The following ERGIC1 variants were observed in gnomAD, a reference collection of about 807,000 sequenced individuals.
ERGIC1 encodes the protein endoplasmic reticulum-Golgi intermediate compartment protein 1.
Under a neutral mutation model 38.3 loss-of-function variants are expected in ERGIC1, and 19 were observed. The observed-to-expected ratio is 0.50, with a 90% confidence interval of 0.35 to 0.73. The LOEUF is 0.73. ERGIC1 is among the 30% of genes least tolerant of loss of function. ERGIC1 has a pLI of 0.01. For missense variants in ERGIC1, 294 were observed against 389.2 expected (o/e 0.76, Z 2.06); for synonymous variants, 124 against 157.6 (o/e 0.79, Z 1.60).
At chr5:172,875,234 G>A (rs762211595) in intron 1 of ERGIC1, among the ~76,000 whole-genome samples, 12 of 152,044 alleles carry the variant, frequency 7.9e-5, no homozygotes, top group Non-Finnish European at 1.8e-4. Flanking sequence ...TTTTTCTCAT[G>A]TAACAAGAAG....
At chr5:172,865,051 CTTTTT>C (rs55657045) in intron 1 of ERGIC1, among the ~76,000 whole-genome samples, 169 of 93,844 alleles carry the variant, frequency 1.8e-3, no homozygotes, top group African/African-American at 3.0e-3. Context: ...GAAAGAAATT[CTTTTT>C]TTTTTTTTTT....
intron 3 of ERGIC1, among the ~76,000 whole-genome samples, chr5:172,900,991 C>G (rs1762862625): frequency 6.6e-6 from 1 of 152,188 alleles, no homozygotes; most frequent in Non-Finnish European, 1.5e-5. Flanking sequence ...TTGGGGTCTT[C>G]CAGTTGTCAG....
intron 1 of ERGIC1, among the ~76,000 whole-genome samples, chr5:172,882,105 G>C (rs1246298188): frequency 6.6e-6 from 1 of 152,186 alleles, no homozygotes; most frequent in Non-Finnish European, 1.5e-5. Flanking sequence ...TCTGAAACTA[G>C]GGTCTTTTTG....
Position 172,834,299 on chromosome 5 carries a change from A to AGGGGGGCGGCCGGCGGGG in ERGIC1, c.-113_-96dup, listed in dbSNP as rs1760972655. 1 of 983,788 alleles carries AGGGGGGCGGCCGGCGGGG rather than the reference A, an allele frequency of 1.0e-6. No homozygotes were observed. The highest frequency in any genetic ancestry group is 4.8e-5 in the South Asian group (1 of 20,862). 60.9% of individuals were successfully genotyped at this position (983,788 alleles called of 1,614,324 possible). A position where few individuals can be genotyped will look rare whatever the true frequency, so the allele number is the denominator to read the frequency against. The stretch of plus-strand genomic sequence containing the variant: ...TGGCGAGTGGCGAGTGGCGAGTGTC[A>AGGGGGGCGGCCGGCGGGG]GGGGGGCGGCCGGCGGGGGCGGGGC... On this transcript the variant is annotated 5_prime_UTR_variant, in exon 1 of 10. Coordinates refer to ENST00000393784, the MANE Select transcript of ERGIC1 (RefSeq NM_001031711.3). The surrounding 1 kb of genome is among the most constrained non-coding windows in gnomAD (Gnocchi z 4.1).
At chr5:172,903,226 C>T (rs1762930094) in intron 3 of ERGIC1, among the ~76,000 whole-genome samples, 1 of 152,198 alleles carries the variant, frequency 6.6e-6, no homozygotes, top group Admixed American at 6.5e-5. Flanking sequence ...GCTCAGGGAG[C>T]CCTCGTCCTG....
At chr5:172,928,376 G>A (rs936023174) in intron 7 of ERGIC1, among the ~76,000 whole-genome samples, 18 of 152,202 alleles carry the variant, frequency 1.2e-4, no homozygotes, top group Admixed American at 2.6e-4. Flanking sequence ...GCACTGGGCC[G>A]TTGCCTTTGT....
At chr5:172,856,490 C>T (rs1156938614) in intron 1 of ERGIC1, among the ~76,000 whole-genome samples, 2 of 152,122 alleles carry the variant, frequency 1.3e-5, no homozygotes, top group Non-Finnish European at 1.5e-5. Context: ...GGGATTCTAG[C>T]CAAGGGCTCT....
At position 172,867,941 on chromosome 5, in the gene ERGIC1, G is replaced by A. The variant is rs140843341; in HGVS notation, c.21-20758G>A. 1.6e-3 allele frequency among the ~76,000 whole-genome samples: 244 copies of A among 152,294 alleles called. 1 individual carries two copies. The highest frequency in any genetic ancestry group is 5.8e-3 in the African/African-American group (239 of 41,552). The stretch of plus-strand genomic sequence containing the variant: ...ATGCCCCTCCCCATTTTACTGATGA[G>A]TAAACTGAGGCTCCAAGAGATTCAG... On this transcript the variant is annotated intron_variant, in intron 1 of 9. Coordinates refer to ENST00000393784, the MANE Select transcript of ERGIC1 (RefSeq NM_001031711.3).
At chr5:172,903,799 A>G (rs990742793) in intron 3 of ERGIC1, among the ~76,000 whole-genome samples, 2 of 151,852 alleles carry the variant, frequency 1.3e-5, no homozygotes, top group South Asian at 2.1e-4. Context: ...GCCCAAGTCA[A>G]TCAGCCAAGA....
intron 1 of ERGIC1, among the ~76,000 whole-genome samples, chr5:172,877,440 G>GTATA (rs1278756445): frequency 1.5e-3 from 98 of 67,378 alleles, no homozygotes; most frequent in African/African-American, 3.5e-3. Flanking sequence ...GTGTGTGTGT[G>GTATA]TATATATATA....
At chr5:172,859,452 T>G (rs1199154891) in intron 1 of ERGIC1, among the ~76,000 whole-genome samples, 1 of 151,946 alleles carries the variant, frequency 6.6e-6, no homozygotes, top group Non-Finnish European at 1.5e-5. Context: ...GGAATTAGCT[T>G]TCCCCCATTT....
At chr5:172,914,234 C>CAAAAAAAAAAA (rs35584191) in intron 4 of ERGIC1, among the ~76,000 whole-genome samples, 1 of 102,180 alleles carries the variant, frequency 9.8e-6, no homozygotes, top group African/African-American at 4.3e-5. Flanking sequence ...GACTCTGTCT[C>CAAAAAAAAAAA]AAAAAAAAAA....
At chr5:172,859,376 C>A (rs4867694) in intron 1 of ERGIC1, among the ~76,000 whole-genome samples, 6 of 151,692 alleles carry the variant, frequency 4.0e-5, no homozygotes, top group African/African-American at 7.3e-5. Flanking sequence ...TCCCACCCAC[C>A]CCCAACTCCC....
intron 2 of ERGIC1, among the ~76,000 whole-genome samples, chr5:172,893,706 AG>A (rs1762625420): frequency 6.6e-6 from 1 of 151,476 alleles, no homozygotes; most frequent in African/African-American, 2.4e-5. Context: ...TTTGTTCAGC[AG>A]CTGGAGAAAA....
At chr5:172,890,146 G>A (rs1039444782) in intron 2 of ERGIC1, among the ~76,000 whole-genome samples, 34 of 152,208 alleles carry the variant, frequency 2.2e-4, no homozygotes, top group Non-Finnish European at 1.2e-4. Flanking sequence ...CATATCGTGA[G>A]CCCCTGATAG....
chr5:172,872,211 C>T (rs1214978846), intron 1 of ERGIC1, among the ~76,000 whole-genome samples: 1 of 152,154 alleles, frequency 6.6e-6, no homozygotes, highest in Non-Finnish European at 1.5e-5. Flanking sequence ...CCAGCCTCGT[C>T]CCCATGTGTC....
chr5:172,900,362 G>A (rs759582402), intron 3 of ERGIC1, among the ~76,000 whole-genome samples: 7 of 151,972 alleles, frequency 4.6e-5, no homozygotes, highest in Non-Finnish European at 7.4e-5. Context: ...GCGGCATCCC[G>A]GACGCTCTGA....
intron 1 of ERGIC1, among the ~76,000 whole-genome samples, chr5:172,851,052 T>G (rs1395941692): frequency 2.0e-5 from 3 of 150,726 alleles, no homozygotes; most frequent in African/African-American, 7.3e-5. Flanking sequence ...ATACAAAAAA[T>G]TAGCCGGGCA....
At chr5:172,928,407 C>CT (rs1763701453) in intron 7 of ERGIC1, among the ~76,000 whole-genome samples, 1 of 152,218 alleles carries the variant, frequency 6.6e-6, no homozygotes, top group Admixed American at 6.5e-5. Context: ...GTGCCCAGGT[C>CT]TTGCTATGGG....
Sources: allele counts gnomAD v4.1 joint callset (sites outside exome capture counted in the v4.1 genomes callset), GRCh38; gene constraint gnomAD v4.1.1; non-coding constraint Gnocchi (gnomAD v3.1); transcripts MANE v1.5; gene names NCBI Gene and HGNC (gene_info 2026-07-23, HGNC 2026-07-21).